The following SLCO2A1 variants were observed in gnomAD, a reference collection of about 807,000 sequenced individuals.
The protein encoded by SLCO2A1 is solute carrier organic anion transporter family member 2A1.
In SLCO2A1, 60 loss-of-function variants were observed where a neutral mutation model predicts 71.7. That is an observed-to-expected ratio of 0.84 (90% CI 0.68 to 1.04). The LOEUF (loss-of-function observed/expected upper bound fraction) is 1.04, where lower values mean the gene tolerates loss of function less well. SLCO2A1 is among the 50% of genes least tolerant of loss of function. The pLI is 0.00. For missense variants in SLCO2A1, 745 were observed against 813.4 expected (o/e 0.92, Z 1.02); for synonymous variants, 308 against 326.7 (o/e 0.94, Z 0.62).
intron 1 of SLCO2A1, among the ~76,000 whole-genome samples, chr3:134,006,872 A>T (rs755385559): frequency 6.6e-6 from 1 of 152,222 alleles, no homozygotes; most frequent in African/African-American, 2.4e-5. Flanking sequence ...TTATGACTCT[A>T]CTTTTAATTT....
chr3:133,976,765 G>C lies in SLCO2A1; in HGVS notation c.234+2716C>G, dbSNP rs370776175. Among the ~76,000 whole-genome samples the C allele has an allele frequency of 1.5e-4, 23 of 152,212 alleles. 1 individual carries two copies. Among genetic ancestry groups the C allele is most frequent in the Admixed American group, 3.3e-4 (5 of 15,292 alleles). ...TGCCCTTCAACATCTCAAACCAAAG[G>C]GCCGCAGGGACAACTGGTGGGTGGC... On this transcript the variant is annotated intron_variant, in intron 2 of 13. Coordinates refer to ENST00000310926, the MANE Select transcript of SLCO2A1 (RefSeq NM_005630.3).
intron 3 of SLCO2A1, among the ~76,000 whole-genome samples, chr3:133,964,879 C>T (rs1014056070): frequency 6.6e-6 from 1 of 152,196 alleles, no homozygotes; most frequent in Non-Finnish European, 1.5e-5. Flanking sequence ...GCTGCCCACA[C>T]CCCCACACCC....
chr3:134,002,206 C>T (rs1304030995), intron 1 of SLCO2A1, among the ~76,000 whole-genome samples: 1 of 152,198 alleles, frequency 6.6e-6, no homozygotes, highest in Non-Finnish European at 1.5e-5. Context: ...CACAGCAAGC[C>T]TGTGTGCTGT....
In SLCO2A1 at chr3:133,932,878, A is replaced by G. The variant is rs1197361839; in HGVS notation, c.*1835T>C. The G allele has an allele frequency of 6.6e-6, 1 of 152,518 alleles. No homozygotes were observed. Among genetic ancestry groups the G allele is most frequent in the Non-Finnish European group, 1.5e-5 (1 of 68,020 alleles). 9.4% of individuals were successfully genotyped at this position (152,518 alleles called of 1,614,324 possible). On this transcript the variant is annotated 3_prime_UTR_variant, in exon 14 of 14. Coordinates refer to ENST00000310926, the MANE Select transcript of SLCO2A1 (RefSeq NM_005630.3). ...AGACCAGGGTTAGTTGCAGGGCATC[A>G]TTTTCCAAGCAGAACCATTTCAAAT...
At chr3:133,959,990 C>G (rs534599666) in intron 3 of SLCO2A1, among the ~76,000 whole-genome samples, 392 of 152,080 alleles carry the variant, frequency 2.6e-3, no homozygotes, top group African/African-American at 9.1e-3. Flanking sequence ...CATGGTGGCT[C>G]GCACTTGTAG....
At chr3:134,008,946 G>C (rs1011381329) in intron 1 of SLCO2A1, among the ~76,000 whole-genome samples, 3 of 152,222 alleles carry the variant, frequency 2.0e-5, no homozygotes, top group African/African-American at 7.2e-5. Context: ...TGGCACTGCA[G>C]GGGTCAGTCC....
intron 3 of SLCO2A1, among the ~76,000 whole-genome samples, chr3:133,966,473 C>T (rs757462901): frequency 2.0e-5 from 3 of 152,262 alleles, no homozygotes; most frequent in African/African-American, 2.4e-5. Context: ...CACACCTCTC[C>T]GCACTGCAGC....
chr3:133,951,149 A>AC, intron 6 of SLCO2A1, 59 bp downstream of exon 6: 11 of 1,605,970 alleles, frequency 6.8e-6, no homozygotes, highest in Non-Finnish European at 9.4e-6. Flanking sequence ...TTTATTTTCT[A>AC]CCCCCACATC....
rs571736013 is a variant in SLCO2A1, at chr3:133,956,825, G to A, written c.398-1632C>T. Among the ~76,000 whole-genome samples the A allele has an allele frequency of 1.2e-4, 18 of 152,274 alleles. No individual in the cohort carries two copies. In the South Asian group the frequency reaches 1.2e-3, roughly 11 times the overall value. ...GAATATGTTCCCTAATTTATAAAACGTTTGTGGACTACTTGAATATGCAGA... is the reference window on the plus strand; with the variant it reads ...GAATATGTTCCCTAATTTATAAAACATTTGTGGACTACTTGAATATGCAGA... On this transcript the variant is annotated intron_variant, in intron 3 of 13. Transcript: ENST00000310926.
chr3:133,953,535 G>T, intron 5 of SLCO2A1, 128 bp downstream of exon 5: 2 of 697,254 alleles, frequency 2.9e-6, no homozygotes, highest in East Asian at 2.7e-5. Flanking sequence ...AGGGATGAGT[G>T]AGCGAGTGAG....
chr3:134,003,344 G>C (rs910804006), intron 1 of SLCO2A1, among the ~76,000 whole-genome samples: 9 of 152,198 alleles, frequency 5.9e-5, no homozygotes, highest in Non-Finnish European at 7.3e-5. Flanking sequence ...CTTAGCAGTA[G>C]GTCACAGGAC....
chr3:134,018,551 C>A (rs1935509446), intron 1 of SLCO2A1, among the ~76,000 whole-genome samples: 1 of 152,174 alleles, frequency 6.6e-6, no homozygotes, highest in Admixed American at 6.5e-5. Context: ...CTCCAGCCCT[C>A]AGTCTCCACC....
At chr3:133,999,205 G>A (rs986785408) in intron 1 of SLCO2A1, among the ~76,000 whole-genome samples, 7 of 152,130 alleles carry the variant, frequency 4.6e-5, no homozygotes, top group South Asian at 2.1e-4. Context: ...CCTGAAGATC[G>A]CAGTTCAAAA....
At chr3:134,015,101 A>G (rs1935419469) in intron 1 of SLCO2A1, among the ~76,000 whole-genome samples, 1 of 152,218 alleles carries the variant, frequency 6.6e-6, no homozygotes. Flanking sequence ...AGATAAACAC[A>G]TACCATTGCC....
intron 1 of SLCO2A1, 56 bp downstream of exon 1, chr3:134,029,651 G>T: frequency 7.0e-7 from 1 of 1,437,826 alleles, no homozygotes; most frequent in Non-Finnish European, 9.4e-7. Context: ...CGGGTGCCCA[G>T]CCGAAGGTGC....
chr3:133,996,682 C>T (rs1234272251), intron 1 of SLCO2A1, among the ~76,000 whole-genome samples: 2 of 152,184 alleles, frequency 1.3e-5, no homozygotes, highest in Non-Finnish European at 2.9e-5. Context: ...GGATTCATGA[C>T]CACAGGCTGT....
rs1452310131 is a variant in SLCO2A1 at position 133,955,118 on chromosome 3, G to C, written c.473C>G (p.Thr158Ser). Reference protein sequence around the residue: ...QDLPPSKCHSTTQNPQKETSS... With the variant: ...QDLPPSKCHSSTQNPQKETSS... ...GGTCTCCTTCTGGGGGTTCTGGGTGGTGCTGTGGCACTTACTGGGAGGCAG... is the reference window on the plus strand; with the variant it reads ...GGTCTCCTTCTGGGGGTTCTGGGTGCTGCTGTGGCACTTACTGGGAGGCAG... Residue 158 changes from threonine (T) to serine (S), a missense_variant, in exon 4 of 14, where the codon ACC (threonine) becomes AGC (serine). Coordinates refer to ENST00000310926, the MANE Select transcript of SLCO2A1 (RefSeq NM_005630.3). The C allele has an allele frequency of 6.2e-7, 1 of 1,614,088 alleles. No homozygotes were observed. The highest frequency in any genetic ancestry group is 1.3e-5 in the African/African-American group (1 of 74,930).
Position 133,942,602 on chromosome 3 carries a change from CA to C in SLCO2A1, c.1625+2del. ...CCCAGACTCACAGAGGTTTGCCACT[CA>C]CCGCAGAACCATCATGTAGAGGGGG... On this transcript the variant is annotated splice_donor_variant, in intron 11 of 13. Coordinates refer to ENST00000310926, the MANE Select transcript of SLCO2A1 (RefSeq NM_005630.3). LOFTEE classifies it high-confidence loss of function. The C allele has an allele frequency of 6.2e-7, 1 of 1,603,328 alleles. No individual in the cohort carries two copies. The highest frequency in any genetic ancestry group is 8.5e-7 in the Non-Finnish European group (1 of 1,174,414).
chr3:133,958,202 A>T (rs899056907), intron 3 of SLCO2A1, among the ~76,000 whole-genome samples: 5 of 152,314 alleles, frequency 3.3e-5, no homozygotes, highest in Admixed American at 6.5e-5. Context: ...CTGAGTGGGC[A>T]AGGCTAACAG....
Sources: allele counts gnomAD v4.1 joint callset (sites outside exome capture counted in the v4.1 genomes callset), GRCh38; gene constraint gnomAD v4.1.1; transcripts MANE v1.5; gene names NCBI Gene and HGNC (gene_info 2026-07-23, HGNC 2026-07-21).